SVOPL: variants seen among roughly 807,000 people sequenced by gnomAD.
SVOPL encodes the protein putative transporter SVOPL.
In SVOPL, 60 loss-of-function variants were observed where a neutral mutation model predicts 61.0. The observed-to-expected ratio is 0.98, with a 90% CI of 0.80 to 1.22. The LOEUF (loss-of-function observed/expected upper bound fraction) is 1.22, where lower values mean the gene tolerates loss of function less well. SVOPL is among the 50% of genes most tolerant of loss of function. The pLI is 0.00. For synonymous variants in SVOPL, 279 were observed against 250.0 expected (o/e 1.12, Z -1.09); for missense variants, 662 against 643.9 (o/e 1.03, Z -0.30).
At position 138,660,231 on chromosome 7, in the gene SVOPL, T is replaced by C. The variant is rs1009594624; in HGVS notation, c.346-243A>G. 7 of 1,209,540 alleles carry C rather than the reference T, an allele frequency of 5.8e-6. No individual in the cohort carries two copies. In the Admixed American group the frequency reaches 2.4e-4, roughly 41 times the overall value. The allele number at this position is 1,209,540 out of a possible 1,614,324, so 74.9% of individuals were successfully genotyped here. A position where few individuals can be genotyped will look rare whatever the true frequency, so the allele number is the denominator to read the frequency against. On this transcript the variant is annotated intron_variant, in intron 5 of 15. Coordinates refer to ENST00000674285, the MANE Select transcript of SVOPL (RefSeq NM_001139456.2). ...TAAAACTACCATGCTGTGCCCACCC[T>C]CATGGGTGGCAGGTCCCTGAACTTG...
At chr7:138,678,635 G>T in intron 2 of SVOPL, 110 bp from the exon 3 acceptor site, 1 of 1,068,452 alleles carries the variant, frequency 9.4e-7, no homozygotes, top group Non-Finnish European at 1.3e-6. Flanking sequence ...GTTAATACGG[G>T]GGGTCAGTGG....
chr7:138,692,231 A>G (rs576138735), intron 1 of SVOPL, among the ~76,000 whole-genome samples: 103 of 152,316 alleles, frequency 6.8e-4, no homozygotes, highest in Non-Finnish European at 1.1e-3. Context: ...ACAAAATGGA[A>G]TTGAATATAT....
At chr7:138,605,428 G>A (rs897716404) in intron 14 of SVOPL, among the ~76,000 whole-genome samples, 10 of 152,030 alleles carry the variant, frequency 6.6e-5, no homozygotes, top group East Asian at 5.8e-4. Flanking sequence ...TTGGGAGGCC[G>A]AGGCAGATGG....
chr7:138,661,015 G>T (rs1481992509), intron 5 of SVOPL: 2 of 982,660 alleles, frequency 2.0e-6, no homozygotes, highest in Non-Finnish European at 2.4e-6. Context: ...TTGATAATTT[G>T]TATTTCTTTT....
chr7:138,654,010 G>A (rs1407603779), intron 7 of SVOPL, among the ~76,000 whole-genome samples: 2 of 151,586 alleles, frequency 1.3e-5, no homozygotes, highest in East Asian at 3.9e-4. Flanking sequence ...GTGCACTCCT[G>A]TAATCTCAGG....
intron 1 of SVOPL, among the ~76,000 whole-genome samples, chr7:138,691,741 A>G (rs1473424040): frequency 1.3e-5 from 2 of 152,032 alleles, no homozygotes; most frequent in Non-Finnish European, 1.5e-5. Context: ...GGGTTTCGCC[A>G]CGTTGGCCAG....
At position 138,603,412 on chromosome 7, in the gene SVOPL, G is replaced by A. The variant is rs142612897; in HGVS notation, c.1354-6882C>T. ...AGATCAGCTAAAGCAGGCCGGGTGC[G>A]GTGGCTCATGCCTGTAATCCCAGCA... On this transcript the variant is annotated intron_variant, in intron 14 of 15. Coordinates refer to ENST00000674285, the MANE Select transcript of SVOPL (RefSeq NM_001139456.2). Among the ~76,000 whole-genome samples, 1,292 of 152,268 alleles carry A rather than the reference G, an allele frequency of 8.5e-3. 18 individuals carry two copies. The highest frequency in any genetic ancestry group is 0.028 in the African/African-American group (1,180 of 41,554).
At chr7:138,595,399 A>G (rs764854344) in intron 15 of SVOPL, among the ~76,000 whole-genome samples, 19 of 152,100 alleles carry the variant, frequency 1.2e-4, no homozygotes, top group Admixed American at 2.6e-4. Flanking sequence ...TATGTATTGA[A>G]CCTACTTGTT....
intron 14 of SVOPL, among the ~76,000 whole-genome samples, chr7:138,606,346 AC>A (rs1798757870): frequency 6.6e-6 from 1 of 151,992 alleles, no homozygotes; most frequent in South Asian, 2.1e-4. Flanking sequence ...TGGAGAGGGG[AC>A]CCAGAAGAGG....
intron 14 of SVOPL, among the ~76,000 whole-genome samples, chr7:138,612,436 T>TAAAAAAAAA (rs60800575): frequency 5.6e-4 from 10 of 17,850 alleles, no homozygotes; most frequent in Non-Finnish European, 9.0e-4. Flanking sequence ...AAATAAAAAA[T>TAAAAAAAAA]AAAAAAAAAA....
intron 14 of SVOPL, among the ~76,000 whole-genome samples, chr7:138,611,483 C>T (rs1011117212): frequency 3.3e-5 from 5 of 152,170 alleles, no homozygotes; most frequent in African/African-American, 7.2e-5. Flanking sequence ...TCTTTGACAA[C>T]GTACAGTTTC....
intron 4 of SVOPL, among the ~76,000 whole-genome samples, chr7:138,668,601 C>A (rs1298789444): frequency 6.6e-6 from 1 of 152,172 alleles, no homozygotes; most frequent in Non-Finnish European, 1.5e-5. Flanking sequence ...CAGAAAGAAA[C>A]ACAACTGGGC....
chr7:138,696,865 C>A (rs1331739665), intron 1 of SVOPL, among the ~76,000 whole-genome samples: 1 of 152,162 alleles, frequency 6.6e-6, no homozygotes, highest in African/African-American at 2.4e-5. Context: ...CCACCATGCC[C>A]AGCCAAGGCC....
Position 138,656,447 on chromosome 7 carries a change from C to T in SVOPL, c.534+1G>A. 7 of 1,613,930 alleles carry T rather than the reference C, an allele frequency of 4.3e-6. No individual in the cohort carries two copies. The highest frequency in any genetic ancestry group is 5.9e-6 in the Non-Finnish European group (7 of 1,179,930). ...CAGGTAGAACTCCTACGTTGCCTTA[C>T]CTGAGACAAGGGTAACATATAGCCT... On this transcript the variant is annotated splice_donor_variant, in intron 7 of 15. Transcript: ENST00000674285. LOFTEE classifies it high-confidence loss of function.
Position 138,665,386 on chromosome 7 carries a change from G to T in SVOPL, c.274-2241C>A, listed in dbSNP as rs117365101. On this transcript the variant is annotated intron_variant, in intron 4 of 15. Coordinates refer to ENST00000674285, the MANE Select transcript of SVOPL (RefSeq NM_001139456.2). ...CACAATTGTTCCCAGTAAGCTCAGGGACAGGGTCAGAGTCAGATGGGCTAA... is the reference window on the plus strand; with the variant it reads ...CACAATTGTTCCCAGTAAGCTCAGGTACAGGGTCAGAGTCAGATGGGCTAA... Among the ~76,000 whole-genome samples, 328 of 151,704 alleles carry T rather than the reference G, an allele frequency of 2.2e-3. 1 individual carries two copies. Among genetic ancestry groups the T allele is most frequent in the Non-Finnish European group, 3.9e-3 (264 of 67,956 alleles).
intron 1 of SVOPL, among the ~76,000 whole-genome samples, chr7:138,690,992 C>T (rs1379964410): frequency 3.3e-5 from 5 of 152,142 alleles, no homozygotes; most frequent in Non-Finnish European, 7.3e-5. Context: ...TCAGGCTAGT[C>T]TCAAACTCCT....
intron 3 of SVOPL, among the ~76,000 whole-genome samples, chr7:138,676,899 C>CTTTTTTTTTTTTTTT (rs1191279496): frequency 8.9e-6 from 1 of 112,820 alleles, no homozygotes; most frequent in Non-Finnish European, 1.7e-5. Context: ...CTTGGGGTTC[C>CTTTTTTTTTTTTTTT]TTTTTTTTTT....
intron 5 of SVOPL, 139 bp from the exon 6 acceptor site, chr7:138,660,127 CT>C (rs1401814526): frequency 3.4e-6 from 5 of 1,450,144 alleles, no homozygotes; most frequent in Non-Finnish European, 3.6e-6. Context: ...GCCCACTGGT[CT>C]TTCACAATCA....
At chr7:138,648,758 T>C (rs564893122) in intron 8 of SVOPL, among the ~76,000 whole-genome samples, 21 of 146,758 alleles carry the variant, frequency 1.4e-4, no homozygotes, top group South Asian at 4.4e-4. Flanking sequence ...GGAGACTCCA[T>C]CTCAAAAAAA....
Sources: allele counts gnomAD v4.1 joint callset (sites outside exome capture counted in the v4.1 genomes callset), GRCh38; gene constraint gnomAD v4.1.1; transcripts MANE v1.5; gene names NCBI Gene and HGNC (gene_info 2026-07-23, HGNC 2026-07-21).